Variants in CSMD2 observed in about 807,000 individuals in gnomAD.
CSMD2 encodes the protein CUB and sushi domain-containing protein 2.
In CSMD2, 130 loss-of-function variants were observed where a neutral mutation model predicts 398.5. The observed-to-expected ratio is 0.33, with a 90% CI of 0.28 to 0.38. CSMD2 has a LOEUF of 0.38. Among genes scored for constraint, CSMD2 ranks in the 10% least tolerant of loss-of-function variants. CSMD2 has a pLI of 1.00. For synonymous variants in CSMD2, 1,828 were observed against 1,908.5 expected, an observed-to-expected ratio of 0.96 and a Z score of 1.10; for missense variants, 3,829 against 4,764.9, an observed-to-expected ratio of 0.80 and a Z score of 5.78.
At chr1:34,048,968 G>T (rs1316166900) in intron 2 of CSMD2, among the ~76,000 whole-genome samples, 1 of 152,138 alleles carries the variant, frequency 6.6e-6, no homozygotes, top group African/African-American at 2.4e-5. Context: ...AGAAACAGGA[G>T]CTTCCAGAAC....
chr1:33,831,488 C>T (rs1659551032), intron 6 of CSMD2, among the ~76,000 whole-genome samples: 1 of 151,914 alleles, frequency 6.6e-6, no homozygotes, highest in Non-Finnish European at 1.5e-5. Flanking sequence ...ACCAGGCCTG[C>T]CCTAAAAGAG....
chr1:34,041,172 G>A (rs1346379469), intron 2 of CSMD2, among the ~76,000 whole-genome samples: 1 of 152,042 alleles, frequency 6.6e-6, no homozygotes, highest in African/African-American at 2.4e-5. Flanking sequence ...ATAAGGAAGA[G>A]GGGACAGAAG....
intron 5 of CSMD2, among the ~76,000 whole-genome samples, chr1:33,886,667 A>G (rs1043664904): frequency 2.0e-5 from 3 of 152,200 alleles, no homozygotes; most frequent in Non-Finnish European, 2.9e-5. Flanking sequence ...ATTCTTCTGC[A>G]TAACAGATCT....
chr1:33,588,375 T>C (rs560538774), intron 44 of CSMD2, among the ~76,000 whole-genome samples: 1 of 93,562 alleles, frequency 1.1e-5, no homozygotes, highest in African/African-American at 5.7e-5. Flanking sequence ...TATATATGCA[T>C]CTTTTACGTT....
At chr1:34,095,662 G>A (rs1473158982) in intron 1 of CSMD2, among the ~76,000 whole-genome samples, 2 of 151,904 alleles carry the variant, frequency 1.3e-5, no homozygotes, top group African/African-American at 2.4e-5. Flanking sequence ...AAATCTAGAA[G>A]AAATGGATAA....
At chr1:33,600,692 G>A in intron 44 of CSMD2, 173 bp downstream of exon 44, 1 of 655,434 alleles carries the variant, frequency 1.5e-6, no homozygotes, top group Non-Finnish European at 2.6e-6. Context: ...TGCACTGAGA[G>A]CTCTCACATA....
chr1:33,595,821 G>T (rs529191751), intron 44 of CSMD2, among the ~76,000 whole-genome samples: 18 of 152,274 alleles, frequency 1.2e-4, no homozygotes, highest in Admixed American at 7.8e-4. Flanking sequence ...CATTTTAGTG[G>T]AAAATGTTAT....
rs534135855 is a variant in CSMD2, at chr1:34,027,829, T to A, written c.517+4765A>T. Among the ~76,000 whole-genome samples the A allele has an allele frequency of 5.2e-4, 79 of 152,268 alleles. No homozygotes were observed. The South Asian group carries it at 0.016, about 31-fold the overall frequency. On this transcript the variant is annotated intron_variant, in intron 3 of 70. Transcript: ENST00000373381. Reference sequence around the variant, plus strand: ...TGTATATTCATTGGAATGGCAGAACTGAGGCTAGACCTGGGCAGACAGCCC... The same window carrying A: ...TGTATATTCATTGGAATGGCAGAACAGAGGCTAGACCTGGGCAGACAGCCC...
intron 25 of CSMD2, among the ~76,000 whole-genome samples, chr1:33,681,946 A>T (rs1644920707): frequency 6.6e-6 from 1 of 152,208 alleles, no homozygotes; most frequent in African/African-American, 2.4e-5. Flanking sequence ...AGCCTGGGCA[A>T]CAGAGCGAGA....
At chr1:33,925,312 C>T (rs6689696) in intron 4 of CSMD2, among the ~76,000 whole-genome samples, 24,838 of 152,080 alleles carry the variant, frequency 0.16, 2,256 homozygotes, top group African/African-American at 0.24. Context: ...CGTCCTTCCC[C>T]TAATGCATGT....
intron 1 of CSMD2, among the ~76,000 whole-genome samples, chr1:34,107,714 A>G (rs1660658229): frequency 6.6e-6 from 1 of 152,108 alleles, no homozygotes; most frequent in African/African-American, 2.4e-5. Context: ...AAAGAACTTC[A>G]CCTTAGGTAG....
At chr1:33,852,765 C>CA (rs941537676) in intron 5 of CSMD2, among the ~76,000 whole-genome samples, 8 of 152,330 alleles carry the variant, frequency 5.3e-5, no homozygotes, top group African/African-American at 1.7e-4. Flanking sequence ...GCACACAGAA[C>CA]AAATACATTT....
intron 6 of CSMD2, among the ~76,000 whole-genome samples, chr1:33,837,891 G>C (rs967990437): frequency 2.0e-5 from 3 of 152,198 alleles, no homozygotes; most frequent in African/African-American, 7.2e-5. Flanking sequence ...TTAATTACAA[G>C]ACATTTTCCC....
intron 2 of CSMD2, among the ~76,000 whole-genome samples, chr1:34,071,670 G>A (rs1382345429): frequency 6.6e-6 from 1 of 152,170 alleles, no homozygotes; most frequent in East Asian, 1.9e-4. Context: ...TCCCTAGCTA[G>A]GCAGCTGCTT....
chr1:33,573,827 G>C (rs770894580), intron 49 of CSMD2, among the ~76,000 whole-genome samples: 1 of 152,068 alleles, frequency 6.6e-6, no homozygotes, highest in Admixed American at 6.6e-5. Flanking sequence ...AATGCAAAGA[G>C]AATCCCTCTT....
At chr1:33,841,146 G>C (rs1318288406) in intron 6 of CSMD2, among the ~76,000 whole-genome samples, 2 of 152,182 alleles carry the variant, frequency 1.3e-5, no homozygotes, top group Non-Finnish European at 2.9e-5. Flanking sequence ...CAGTCAGCAG[G>C]GTTGACTTGG....
intron 13 of CSMD2, among the ~76,000 whole-genome samples, chr1:33,748,136 G>A (rs879815256): frequency 2.6e-5 from 4 of 152,144 alleles, no homozygotes; most frequent in Non-Finnish European, 5.9e-5. Flanking sequence ...TCTCAAAAGA[G>A]TACTCAGACT....
In CSMD2 at chr1:33,573,621, G is replaced by GA. The variant is rs996295739; in HGVS notation, c.7577-931dup. On this transcript the variant is annotated intron_variant, in intron 49 of 70. Transcript: ENST00000373381. Reference sequence around the variant, plus strand: ...TGAAAAGTAAATTTCTCAGAATATAGAAAAAAAAGAGACCGAAAATGAGAG... The same window carrying GA: ...TGAAAAGTAAATTTCTCAGAATATAGAAAAAAAAAGAGACCGAAAATGAGAG... Among the ~76,000 whole-genome samples the GA allele has an allele frequency of 2.8e-3, 429 of 151,398 alleles. 1 individual carries two copies. Among genetic ancestry groups the GA allele is most frequent in the African/African-American group, 9.7e-3 (401 of 41,354 alleles).
At chr1:34,103,528 C>A (rs1265858858) in intron 1 of CSMD2, among the ~76,000 whole-genome samples, 1 of 151,940 alleles carries the variant, frequency 6.6e-6, no homozygotes, top group East Asian at 1.9e-4. Flanking sequence ...TTGATCTGAC[C>A]TTGCGATTCG....
Sources: allele counts gnomAD v4.1 joint callset (sites outside exome capture counted in the v4.1 genomes callset), GRCh38; gene constraint gnomAD v4.1.1; transcripts MANE v1.5; gene names NCBI Gene and HGNC (gene_info 2026-07-23, HGNC 2026-07-21).